The following MAP4K5 variants were observed in gnomAD, a reference collection of about 807,000 sequenced individuals.
MAP4K5 encodes MAPK/ERK kinase kinase kinase 5.
In MAP4K5, 82 loss-of-function variants were observed where a neutral mutation model predicts 135.6. That is an observed-to-expected ratio of 0.60 (90% CI 0.51 to 0.73). MAP4K5 has a LOEUF of 0.73. MAP4K5 is among the 30% of genes least tolerant of loss of function. The probability of loss-of-function intolerance (pLI) is 0.00; values close to 1 mark genes in which losing one functional copy is unlikely to be tolerated. For synonymous variants in MAP4K5, 347 were observed against 335.0 expected (o/e 1.04, Z -0.39); for missense variants, 907 against 1,010.9 (o/e 0.90, Z 1.39).
At chr14:50,429,575 T>A (rs1047036463) in intron 28 of MAP4K5, among the ~76,000 whole-genome samples, 3 of 152,184 alleles carry the variant, frequency 2.0e-5, no homozygotes, top group African/African-American at 7.2e-5. Context: ...GTAACATGCA[T>A]GCTATACACA....
intron 6 of MAP4K5, among the ~76,000 whole-genome samples, chr14:50,478,419 C>A (rs576849829): frequency 1.3e-5 from 2 of 151,348 alleles, no homozygotes; most frequent in African/African-American, 4.8e-5. Flanking sequence ...TATTTTTATT[C>A]TGATCTTTAT....
chr14:50,542,143 G>A (rs1332246478), intron 2 of MAP4K5, among the ~76,000 whole-genome samples: 6 of 148,394 alleles, frequency 4.0e-5, no homozygotes, highest in Non-Finnish European at 8.9e-5. Flanking sequence ...CCTGACCACA[G>A]GATACTAAGT....
chr14:50,466,904 T>C (rs1454712996), intron 10 of MAP4K5, among the ~76,000 whole-genome samples: 4 of 152,188 alleles, frequency 2.6e-5, no homozygotes, highest in African/African-American at 9.6e-5. Context: ...AGAGTTTTCT[T>C]ACTATACTGT....
intron 10 of MAP4K5, chr14:50,468,321 A>G (rs2036877599): frequency 5.3e-6 from 1 of 187,584 alleles, no homozygotes; most frequent in South Asian, 1.8e-4. Flanking sequence ...TGTTTTATGG[A>G]AAAGCTTCAA....
chr14:50,464,283 C>CTGTG, intron 11 of MAP4K5, 150 bp from the exon 12 acceptor site: 1 of 554,094 alleles, frequency 1.8e-6, no homozygotes, highest in Non-Finnish European at 3.2e-6. Context: ...GTGGAAACAT[C>CTGTG]TGTGTCAGTT....
intron 3 of MAP4K5, among the ~76,000 whole-genome samples, chr14:50,486,811 T>C (rs965123267): frequency 3.3e-5 from 5 of 152,054 alleles, no homozygotes; most frequent in African/African-American, 1.2e-4. Flanking sequence ...GCACCTGTAA[T>C]CTTTAAACTT....
At chr14:50,451,012 T>C (rs1322215411) in intron 14 of MAP4K5, among the ~76,000 whole-genome samples, 1 of 152,064 alleles carries the variant, frequency 6.6e-6, no homozygotes, top group African/African-American at 2.4e-5. Context: ...CAGCTATAAA[T>C]ATGTTCAAGG....
rs770753744 is a variant in MAP4K5 at position 50,515,274 on chromosome 14, A to AC, written c.109-10418dup. Among the ~76,000 whole-genome samples, 6 of 152,112 alleles carry AC rather than the reference A, an allele frequency of 3.9e-5. No individual in the cohort carries two copies. In the East Asian group the frequency reaches 9.7e-4, roughly 24 times the overall value. ...CCTCTCTATCCTTTCTCTTGCCTCC[A>AC]CCACTCTTAGTGACTTCAATATCCG... is the stretch of plus-strand genomic sequence containing the variant. On this transcript the variant is annotated intron_variant, in intron 2 of 32. Transcript: ENST00000682126.
chr14:50,428,346 C>T (rs1044617791), intron 30 of MAP4K5, among the ~76,000 whole-genome samples: 48 of 152,014 alleles, frequency 3.2e-4, no homozygotes, highest in African/African-American at 1.1e-3. Flanking sequence ...ACCTCCGCCT[C>T]GCGGGTTCAA....
chr14:50,533,098 GCA>G (rs1356565204), upstream of MAP4K5: 1 of 152,424 alleles, frequency 6.6e-6, no homozygotes, highest in African/African-American at 2.4e-5. Context: ...AGGCTGCACT[GCA>G]CACCTGCACA....
chr14:50,484,381 T>C (rs146661010), intron 5 of MAP4K5, among the ~76,000 whole-genome samples: 94 of 152,334 alleles, frequency 6.2e-4, no homozygotes, highest in African/African-American at 2.1e-3. Flanking sequence ...GATAATTAAG[T>C]ACTATATTGA....
chr14:50,455,899 A>G (rs1183095680), intron 14 of MAP4K5, among the ~76,000 whole-genome samples: 1 of 152,130 alleles, frequency 6.6e-6, no homozygotes, highest in Admixed American at 6.6e-5. Context: ...GGTGACAAAT[A>G]TTGATAGAAA....
chr14:50,443,595 AT>A, intron 20 of MAP4K5, 133 bp downstream of exon 20: 1 of 722,204 alleles, frequency 1.4e-6, no homozygotes, highest in South Asian at 2.5e-5. Context: ...ATGATGAGAT[AT>A]CCAAATGCAT....
intron 2 of MAP4K5, among the ~76,000 whole-genome samples, chr14:50,541,226 A>G (rs1299602701): frequency 2.0e-5 from 3 of 152,240 alleles, no homozygotes; most frequent in Non-Finnish European, 2.9e-5. Context: ...ATGATAGAGT[A>G]TCATTCCAGA....
At position 50,428,677 on chromosome 14, in the gene MAP4K5, GA is replaced by G. The variant is rs1566633231; in HGVS notation, c.2310del (p.Arg771AlafsTer5). ...GGAAACTTACCTACAGATTCAATGC[GA>G]AAATCAAAACTTAACTCAGAGGCCA... ...KKLASELSFDFRIESVVCLQD... is the reference protein window; with the variant it reads ...KKLASELSFDXRIESVVCLQD... On this transcript the variant is annotated frameshift_variant, in exon 30 of 33. Transcript: ENST00000682126. LOFTEE classifies it high-confidence loss of function. 2 of 1,510,244 alleles carry G rather than the reference GA, an allele frequency of 1.3e-6. No individual in the cohort carries two copies. The highest frequency in any genetic ancestry group is 4.8e-5 in the East Asian group (2 of 41,488). 93.6% of individuals were successfully genotyped at this position (1,510,244 alleles called of 1,614,324 possible). A position where few individuals can be genotyped will look rare whatever the true frequency, so the allele number is the denominator to read the frequency against.
rs112431917 is a variant in MAP4K5, at chr14:50,488,157, C to T, written c.167-1963G>A. On this transcript the variant is annotated intron_variant, in intron 3 of 32. Transcript: ENST00000682126. ...CAATCATGGCAGAAGGGGAAGCAGG[C>T]AAGTCTGACACTGTGGCAGGTGAGA... Among the ~76,000 whole-genome samples the T allele has an allele frequency of 3.3e-5, 5 of 152,212 alleles. 1 individual carries two copies. Among genetic ancestry groups the T allele is most frequent in the South Asian group, 2.1e-4 (1 of 4,806 alleles).
intron 14 of MAP4K5, 74 bp downstream of exon 14, chr14:50,456,442 T>A: frequency 9.0e-7 from 1 of 1,112,920 alleles, no homozygotes; most frequent in Non-Finnish European, 1.3e-6. Flanking sequence ...AATTTTATTA[T>A]TCTACAAAAC....
At chr14:50,543,139 G>A (rs1014213055) in intron 1 of MAP4K5, among the ~76,000 whole-genome samples, 2 of 152,268 alleles carry the variant, frequency 1.3e-5, no homozygotes, top group Non-Finnish European at 2.9e-5. Context: ...TCACTCTAGT[G>A]CTTGCTCAGT....
At chr14:50,552,266 C>CAA (rs35523342) in intron 1 of MAP4K5, among the ~76,000 whole-genome samples, 60 of 150,426 alleles carry the variant, frequency 4.0e-4, no homozygotes, top group Admixed American at 7.3e-4. Context: ...ACAACAGCTG[C>CAA]AAAAAAAAAT....
Sources: allele counts gnomAD v4.1 joint callset (sites outside exome capture counted in the v4.1 genomes callset), GRCh38; gene constraint gnomAD v4.1.1; transcripts MANE v1.5; gene names NCBI Gene and HGNC (gene_info 2026-07-23, HGNC 2026-07-21).